The following MCM5 variants were observed in gnomAD, a reference collection of about 807,000 sequenced individuals.
MCM5 encodes minichromosome maintenance complex component 5, also known as DNA replication licensing factor MCM5.
In MCM5, 46 loss-of-function variants were observed where a neutral mutation model predicts 79.9. That is an observed-to-expected ratio of 0.58 (90% CI 0.45 to 0.74). MCM5 has a LOEUF of 0.74. Among genes scored for constraint, MCM5 ranks in the 30% least tolerant of loss-of-function variants. The pLI, the probability that MCM5 is intolerant of heterozygous loss-of-function variation, is 0.00. For synonymous variants in MCM5, 404 were observed against 390.5 expected (o/e 1.03, Z -0.41); for missense variants, 883 against 1,017.0 (o/e 0.87, Z 1.79).
At position 35,412,732 on chromosome 22, in the gene MCM5, C is replaced by T. The variant is rs535564545; in HGVS notation, c.1091+51C>T. 1.2e-4 allele frequency: 163 copies of T among 1,371,686 alleles called. 3 individuals are homozygous for T. The South Asian group carries it at 2.3e-3, about 19-fold the overall frequency. The allele number at this position is 1,371,686 out of a possible 1,614,324, so 85.0% of individuals were successfully genotyped here. ...TGGGGAGGCGGCTGATGATGGGGCTCACAGTAGGATAATTACTGGATAATC... is the reference window on the plus strand; with the variant it reads ...TGGGGAGGCGGCTGATGATGGGGCTTACAGTAGGATAATTACTGGATAATC... On this transcript the variant is annotated intron_variant, in intron 8 of 16. Coordinates refer to ENST00000216122, the MANE Select transcript of MCM5 (RefSeq NM_006739.4).
chr22:35,417,323 G>A (rs1932571474), intron 12 of MCM5, among the ~76,000 whole-genome samples: 1 of 152,152 alleles, frequency 6.6e-6, no homozygotes, highest in African/African-American at 2.4e-5. Flanking sequence ...ATAAGATTTT[G>A]TCCTGTTAGC....
the MCM5 span, among the ~76,000 whole-genome samples, chr22:35,452,876 A>G: frequency 0.2 from 30,477 of 152,006 alleles, 3,453 homozygotes; most frequent in African/African-American, 0.31. Context: ...TCCGCCTTGC[A>G]TGTGGGTCTC....
Position 35,410,534 on chromosome 22 carries a change from C to T in MCM5, c.753-210C>T, listed in dbSNP as rs147091320. ...TGTTTGGCTGTCACTGTGGGCAACACCATCCTCCAAGCAGCTGAGCATGGG... is the reference window on the plus strand; with the variant it reads ...TGTTTGGCTGTCACTGTGGGCAACATCATCCTCCAAGCAGCTGAGCATGGG... On this transcript the variant is annotated intron_variant, in intron 6 of 16. Coordinates refer to ENST00000216122, the MANE Select transcript of MCM5 (RefSeq NM_006739.4). 1.3e-3 allele frequency: 703 copies of T among 557,432 alleles called. 4 individuals are homozygous for T. The East Asian group carries it at 0.019, about 15-fold the overall frequency. 34.5% of individuals were successfully genotyped at this position (557,432 alleles called of 1,614,324 possible).
chr22:35,439,154 T>C, the MCM5 span, among the ~76,000 whole-genome samples: 1 of 150,984 alleles, frequency 6.6e-6, no homozygotes, highest in Non-Finnish European at 1.5e-5. Flanking sequence ...TATTCATCCA[T>C]CCATCCATTC....
At chr22:35,434,163 C>T in the MCM5 span, among the ~76,000 whole-genome samples, 1 of 152,132 alleles carries the variant, frequency 6.6e-6, no homozygotes, top group Admixed American at 6.5e-5. Flanking sequence ...AATTCCACAG[C>T]TTCTTGATGG....
rs1432357446 is a variant in MCM5 at position 35,419,921 on chromosome 22, A to AAACTGAAG, written c.1745_1752dup (p.Arg585Ter). 2 of 1,613,198 alleles carry AAACTGAAG rather than the reference A, an allele frequency of 1.2e-6. No homozygotes were observed. The highest frequency in any genetic ancestry group is 1.7e-6 in the Non-Finnish European group (2 of 1,179,694). On this transcript the variant is annotated frameshift_variant, in exon 14 of 17. Transcript: ENST00000216122. LOFTEE classifies it high-confidence loss of function. ...CCGGCTGTCAGCAGAGGCTGCAGAG[A>AAACTGAAG]AACTGAAGAACCGCTACATCATCAT... is the stretch of plus-strand genomic sequence containing the variant.
In MCM5 at chr22:35,419,165, T is replaced by C. The variant is rs139880301; in HGVS notation, c.1704-719T>C. Among the ~76,000 whole-genome samples the C allele has an allele frequency of 3.9e-3, 595 of 152,254 alleles. 6 individuals carry two copies. The highest frequency in any genetic ancestry group is 0.013 in the African/African-American group (554 of 41,548). On this transcript the variant is annotated intron_variant, in intron 13 of 16. Transcript: ENST00000216122. ...CTTGAGAGGCTTGGGCCCACAGCTG[T>C]GAGTCAGGGAGCCCTGGATTCTAAT...
At chr22:35,413,259 T>C (rs959526657) in intron 8 of MCM5, among the ~76,000 whole-genome samples, 2 of 152,128 alleles carry the variant, frequency 1.3e-5, no homozygotes, top group African/African-American at 4.8e-5. Flanking sequence ...TTAGCCAGGA[T>C]GGTCTCGATC....
At chr22:35,405,512 A>G (rs1458004949) in intron 4 of MCM5, among the ~76,000 whole-genome samples, 2 of 150,240 alleles carry the variant, frequency 1.3e-5, no homozygotes, top group Non-Finnish European at 3.0e-5. Flanking sequence ...GATTACAGGC[A>G]TATGCCATCA....
At chr22:35,431,138 C>G in the MCM5 span, among the ~76,000 whole-genome samples, 2 of 152,330 alleles carry the variant, frequency 1.3e-5, no homozygotes, top group South Asian at 4.1e-4. Context: ...ACTCAGCAGC[C>G]CAGACGCTGC....
the MCM5 span, among the ~76,000 whole-genome samples, chr22:35,431,137 C>T: frequency 6.6e-6 from 1 of 152,218 alleles, no homozygotes; most frequent in Non-Finnish European, 1.5e-5. Flanking sequence ...GACTCAGCAG[C>T]CCAGACGCTG....
At chr22:35,435,307 G>A in the MCM5 span, among the ~76,000 whole-genome samples, 1 of 152,154 alleles carries the variant, frequency 6.6e-6, no homozygotes, top group Non-Finnish European at 1.5e-5. Flanking sequence ...CAGAACCCCA[G>A]GGGTCCAGTG....
At chr22:35,444,173 G>GAGAGAA in the MCM5 span, among the ~76,000 whole-genome samples, 1 of 151,128 alleles carries the variant, frequency 6.6e-6, no homozygotes, top group African/African-American at 2.4e-5. Context: ...GCAGGAGAGA[G>GAGAGAA]AGAGAGAGAG....
chr22:35,421,148 A>C (rs1932682004), intron 14 of MCM5, among the ~76,000 whole-genome samples, 170 bp from the exon 15 acceptor site: 1 of 151,804 alleles, frequency 6.6e-6, no homozygotes, highest in African/African-American at 2.4e-5. Context: ...AAAAAAAAAA[A>C]AAATTGCAGT....
At chr22:35,426,545 C>T (rs563049507), downstream of MCM5, among the ~76,000 whole-genome samples, 63 of 152,328 alleles carry the variant, frequency 4.1e-4, no homozygotes, top group African/African-American at 1.3e-3. Flanking sequence ...TCACCAGCTA[C>T]AGGCCGCGAC....
At chr22:35,439,430 TCCACCCACATATTAATCCATTCACC>T in the MCM5 span, among the ~76,000 whole-genome samples, 2 of 55,466 alleles carry the variant, frequency 3.6e-5, no homozygotes, top group Non-Finnish European at 6.2e-5. Flanking sequence ...CATTCATCCA[TCCACCCACATATTAATCCATTCACC>T]CATCCATCCA....
intron 11 of MCM5, 21 bp downstream of exon 11, chr22:35,416,425 AG>A: frequency 6.2e-7 from 1 of 1,609,916 alleles, no homozygotes; most frequent in Non-Finnish European, 8.5e-7. Context: ...CTCCATGGAG[AG>A]CCCAGCCTGC....
Position 35,416,031 on chromosome 22 carries a change from C to T in MCM5, c.1347+59C>T, listed in dbSNP as rs572823509. 4 of 1,580,890 alleles carry T rather than the reference C, an allele frequency of 2.5e-6. No individual in the cohort carries two copies. In the South Asian group the frequency reaches 3.4e-5, roughly 13 times the overall value. On this transcript the variant is annotated intron_variant, in intron 10 of 16. Transcript: ENST00000216122. ...TGGGTGGCACCAGGGTATGTGACTT[C>T]CTGTGCTCAGCCAGCAGAAATCACC...
chr22:35,419,805 G>T, intron 13 of MCM5, 79 bp from the exon 14 acceptor site: 1 of 1,457,552 alleles, frequency 6.9e-7, no homozygotes, highest in Non-Finnish European at 9.2e-7. Flanking sequence ...TCTGTAAGCT[G>T]GCAGGGGGCT....
Sources: allele counts gnomAD v4.1 joint callset (sites outside exome capture counted in the v4.1 genomes callset), GRCh38; gene constraint gnomAD v4.1.1; transcripts MANE v1.5; gene names NCBI Gene and HGNC (gene_info 2026-07-23, HGNC 2026-07-21).